The following PPP5C variants were observed in gnomAD, a reference collection of about 807,000 sequenced individuals.
PPP5C encodes serine/threonine-protein phosphatase 5.
In PPP5C, 21 loss-of-function variants were observed where a neutral mutation model predicts 66.7. The observed-to-expected ratio is 0.31, with a 90% CI of 0.22 to 0.45. The LOEUF (loss-of-function observed/expected upper bound fraction) is 0.45. Ranked by LOEUF, PPP5C falls within the 20% of genes least tolerant of loss-of-function variation. The pLI, the probability that PPP5C is intolerant of heterozygous loss-of-function variation, is 1.00. For missense variants in PPP5C, 464 were observed against 675.9 expected (o/e 0.69, Z 3.48); for synonymous variants, 246 against 257.4 (o/e 0.96, Z 0.43).
intron 8 of PPP5C, 24 bp downstream of exon 8, chr19:46,387,259 T>G: frequency 6.2e-7 from 1 of 1,614,036 alleles, no homozygotes; most frequent in Non-Finnish European, 8.5e-7. Context: ...GAGCCCTGAG[T>G]GTGGGTTCCC....
At chr19:46,357,659 G>A (rs993374881) in intron 2 of PPP5C, among the ~76,000 whole-genome samples, 1 of 152,102 alleles carries the variant, frequency 6.6e-6, no homozygotes, top group Non-Finnish European at 1.5e-5. Context: ...CCACTCCTTG[G>A]GTTCAATTAA....
chr19:46,352,650 C>A (rs193190415), intron 1 of PPP5C, among the ~76,000 whole-genome samples: 3 of 152,272 alleles, frequency 2.0e-5, no homozygotes, highest in African/African-American at 7.2e-5. Context: ...GAAACCCCGT[C>A]TCTACTAAAA....
intron 11 of PPP5C, among the ~76,000 whole-genome samples, chr19:46,389,534 A>G (rs955302782): frequency 6.6e-6 from 1 of 150,500 alleles, no homozygotes; most frequent in Admixed American, 6.6e-5. Context: ...TGTCTTTTCC[A>G]GCTGACTTCT....
At chr19:46,384,778 T>G in intron 6 of PPP5C, 26 bp from the exon 7 acceptor site, 1 of 1,539,198 alleles carries the variant, frequency 6.5e-7, no homozygotes, top group South Asian at 1.1e-5. Context: ...CCCTCCACGC[T>G]TGCCATGTTT....
intron 7 of PPP5C, 66 bp downstream of exon 7, chr19:46,384,975 G>T: frequency 8.3e-7 from 1 of 1,199,438 alleles, no homozygotes; most frequent in South Asian, 1.2e-5. Flanking sequence ...CACTCTGCAA[G>T]GATAATAGTT....
Position 46,387,353 on chromosome 19 carries a change from C to T in PPP5C, c.1048-13C>T. The T allele has an allele frequency of 6.2e-7, 1 of 1,606,546 alleles. No homozygotes were observed. Among genetic ancestry groups the T allele is most frequent in the Non-Finnish European group, 8.5e-7 (1 of 1,174,144 alleles). The stretch of plus-strand genomic sequence containing the variant: ...GGCACCTTCCCTCACAGCGGCATCC[C>T]CCATCTCCCCAGATCATGCACGGAG... On this transcript the variant is annotated splice_polypyrimidine_tract_variant and intron_variant, in intron 8 of 12. Coordinates refer to ENST00000012443, the MANE Select transcript of PPP5C (RefSeq NM_006247.4).
At chr19:46,354,382 A>T (rs1972247411) in intron 2 of PPP5C, among the ~76,000 whole-genome samples, 1 of 152,192 alleles carries the variant, frequency 6.6e-6, no homozygotes, top group Admixed American at 6.6e-5. Flanking sequence ...CTGGTGCTGG[A>T]CAGGAGCCAC....
rs1907968595 is a variant in PPP5C at position 46,356,578 on chromosome 19, T to A, written c.363+2589T>A. Among the ~76,000 whole-genome samples, 8 of 152,158 alleles carry A rather than the reference T, an allele frequency of 5.3e-5. No homozygotes were observed. In the South Asian group the frequency reaches 1.7e-3, roughly 32 times the overall value. On this transcript the variant is annotated intron_variant, in intron 2 of 12. Transcript: ENST00000012443. ...TTCAGCCTGAATTCAGACTGAGGCC[T>A]AGAGAGGAGATGTCCCTCCTCCAAG...
intron 4 of PPP5C, chr19:46,382,923 C>T: frequency 9.1e-7 from 1 of 1,097,610 alleles, no homozygotes; most frequent in Non-Finnish European, 1.1e-6. Flanking sequence ...TTTTAATTCT[C>T]CCCAGCTCTC....
chr19:46,389,873 C>T (rs142123531), intron 11 of PPP5C, among the ~76,000 whole-genome samples, 178 bp from the exon 12 acceptor site: 39 of 151,948 alleles, frequency 2.6e-4, no homozygotes, highest in Non-Finnish European at 4.3e-4. Flanking sequence ...TCCTCCTGCC[C>T]CTCCCATTCT....
At chr19:46,387,067 T>G (rs373788294) in intron 7 of PPP5C, 26 bp from the exon 8 acceptor site, 1 of 1,614,012 alleles carries the variant, frequency 6.2e-7, no homozygotes, top group African/African-American at 1.3e-5. Context: ...AGGCTGAGCT[T>G]TCTCTTCTGT....
In PPP5C at chr19:46,384,802, A is replaced by G; in HGVS notation, c.799-2A>G. 2 of 1,607,586 alleles carry G rather than the reference A, an allele frequency of 1.2e-6. No individual in the cohort carries two copies. Among genetic ancestry groups the G allele is most frequent in the African/African-American group, 1.3e-5 (1 of 74,874 alleles). On this transcript the variant is annotated splice_acceptor_variant, in intron 6 of 12. Coordinates refer to ENST00000012443, the MANE Select transcript of PPP5C (RefSeq NM_006247.4). LOFTEE classifies it high-confidence loss of function. The stretch of plus-strand genomic sequence containing the variant: ...CTTGCCATGTTTTCCTCAGCAGGAC[A>G]GATATTTAATGGTGACTTTGTGGAC...
At position 46,383,747 on chromosome 19, in the gene PPP5C, C is replaced by A; in HGVS notation, c.700-33C>A. The A allele has an allele frequency of 6.5e-7, 1 of 1,528,992 alleles. No individual in the cohort carries two copies. Among genetic ancestry groups the A allele is most frequent in the Non-Finnish European group, 9.1e-7 (1 of 1,103,160 alleles). The allele number at this position is 1,528,992 out of a possible 1,614,324, so 94.7% of individuals were successfully genotyped here. A position where few individuals can be genotyped will look rare whatever the true frequency, so the allele number is the denominator to read the frequency against. ...CCCCCTCCCCACGTCTCTCTCTCGG[C>A]CCGTCCCTCTCCGGTGGCCTCTTTT... On this transcript the variant is annotated intron_variant, in intron 5 of 12. Transcript: ENST00000012443. This position sits in a 1 kb window ranked among gnomAD's most constrained non-coding sequence, Gnocchi z 5.0.
chr19:46,373,337 G>A (rs1235581254), intron 2 of PPP5C, among the ~76,000 whole-genome samples: 1 of 152,258 alleles, frequency 6.6e-6, no homozygotes, highest in African/African-American at 2.4e-5. Context: ...TCCTGGGTGG[G>A]TGACTTCACC....
intron 7 of PPP5C, chr19:46,386,666 G>A (rs971040544): frequency 1.3e-5 from 3 of 225,416 alleles, no homozygotes; most frequent in Non-Finnish European, 2.7e-5. Context: ...AGGCTGGAGT[G>A]CAGTAGCATG....
intron 1 of PPP5C, among the ~76,000 whole-genome samples, chr19:46,352,335 T>C (rs370562729): frequency 1.3e-5 from 2 of 152,130 alleles, no homozygotes; most frequent in East Asian, 1.9e-4. Context: ...AGAAGGACTC[T>C]AGGAAACCCT....
rs937553195 is a variant in PPP5C, at chr19:46,376,254, G to A, written c.512-199G>A. On this transcript the variant is annotated intron_variant, in intron 3 of 12. Transcript: ENST00000012443. This position sits in a 1 kb window ranked among gnomAD's most constrained non-coding sequence, Gnocchi z 5.1. ...CATAAAACTGAATAGAGTAAAGGGG[G>A]GTGGGTGAAGGAAGACAGGGAGGTC... is the stretch of plus-strand genomic sequence containing the variant. 6.6e-6 allele frequency among the ~76,000 whole-genome samples: 1 copy of A among 152,132 alleles called. No individual in the cohort carries two copies. Among genetic ancestry groups the A allele is most frequent in the African/African-American group, 2.4e-5 (1 of 41,426 alleles).
Position 46,376,479 on chromosome 19 carries a change from A to G in PPP5C, c.538A>G (p.Lys180Glu). The G allele has an allele frequency of 6.2e-7, 1 of 1,613,766 alleles. No homozygotes were observed. The highest frequency in any genetic ancestry group is 8.5e-7 in the Non-Finnish European group (1 of 1,179,828). ...CATTGAGGATGAGTACAGCGGACCC[A>G]AGCTTGAAGACGGCAAAGTGACAAT... ...MTIEDEYSGP[K>E]LEDGKVTISF... is the part of the protein sequence containing the mutation. The change falls in exon 4 of 13, where the codon AAG (lysine) becomes GAG (glutamate). Residue 180 changes from lysine (K) to glutamate (E), a missense_variant. Lys to Glu is a moderately conservative substitution (Grantham distance 56). This residue lies in a region of PPP5C where 387 missense variants were observed against 626.0 expected (regional missense o/e 0.62). Coordinates refer to ENST00000012443, the MANE Select transcript of PPP5C (RefSeq NM_006247.4). The surrounding 1 kb of genome is among the most constrained non-coding windows in gnomAD (Gnocchi z 5.1).
intron 12 of PPP5C, 23 bp downstream of exon 12, chr19:46,390,155 T>G (rs201260796): frequency 6.2e-7 from 1 of 1,612,682 alleles, no homozygotes; most frequent in East Asian, 2.2e-5. Flanking sequence ...TCAGGGCCCC[T>G]GCCCCTTCCA....
Sources: allele counts gnomAD v4.1 joint callset (sites outside exome capture counted in the v4.1 genomes callset), GRCh38; gene constraint gnomAD v4.1.1; regional missense constraint gnomAD v4.1.1; non-coding constraint Gnocchi (gnomAD v3.1); transcripts MANE v1.5; gene names NCBI Gene and HGNC (gene_info 2026-07-23, HGNC 2026-07-21).